CCDC68: variants seen among roughly 807,000 people sequenced by gnomAD.
CCDC68 encodes the protein coiled-coil domain-containing protein 68.
CCDC68 carries 45 observed loss-of-function variants against 47.1 expected under a neutral mutation model. The observed-to-expected ratio is 0.96, with a 90% confidence interval of 0.75 to 1.23. CCDC68 has a LOEUF of 1.23. Ranked by LOEUF, CCDC68 falls within the 50% of genes most tolerant of loss-of-function variation. The pLI is 0.00. For missense variants in CCDC68, 353 were observed against 373.6 expected (o/e 0.94, Z 0.45); for synonymous variants, 131 against 129.5 (o/e 1.01, Z -0.08).
intron 9 of CCDC68, among the ~76,000 whole-genome samples, chr18:54,918,725 G>T (rs1357774752): frequency 1.3e-5 from 2 of 152,192 alleles, no homozygotes; most frequent in Non-Finnish European, 2.9e-5. Flanking sequence ...ATAGAAGTCT[G>T]ATTTTAAATT....
At chr18:54,918,130 T>G (rs1193113520) in intron 9 of CCDC68, 134 bp from the exon 10 acceptor site, 11 of 576,980 alleles carry the variant, frequency 1.9e-5, no homozygotes, top group Non-Finnish European at 3.3e-5. Flanking sequence ...CCCAAAGCAT[T>G]AGCAGACTCA....
chr18:54,909,933 C>T (rs1371604387), intron 10 of CCDC68, among the ~76,000 whole-genome samples: 2 of 152,240 alleles, frequency 1.3e-5, no homozygotes, highest in African/African-American at 2.4e-5. Context: ...ACATGGCGAG[C>T]AAGGGGCATG....
At chr18:54,956,541 G>A (rs531318674) in intron 1 of CCDC68, among the ~76,000 whole-genome samples, 4 of 152,286 alleles carry the variant, frequency 2.6e-5, no homozygotes, top group South Asian at 2.1e-4. Flanking sequence ...AACAAAATGC[G>A]GCATAGCCAT....
chr18:54,930,386 G>C (rs1284650567), intron 7 of CCDC68, among the ~76,000 whole-genome samples: 1 of 152,052 alleles, frequency 6.6e-6, no homozygotes, highest in Non-Finnish European at 1.5e-5. Flanking sequence ...ATATGTAAAA[G>C]GCATACAGGC....
At chr18:54,916,264 T>C (rs1396389865) in intron 10 of CCDC68, among the ~76,000 whole-genome samples, 1 of 151,912 alleles carries the variant, frequency 6.6e-6, no homozygotes, top group African/African-American at 2.4e-5. Flanking sequence ...CTAAAGACAG[T>C]GCGAGGTTCA....
chr18:54,919,473 A>T, intron 8 of CCDC68, 97 bp from the exon 9 acceptor site: 1 of 976,098 alleles, frequency 1.0e-6, no homozygotes, highest in East Asian at 2.4e-5. Flanking sequence ...CTCTACTGCT[A>T]CTGGGGATCA....
At chr18:54,921,981 G>GT (rs1043171581) in intron 8 of CCDC68, among the ~76,000 whole-genome samples, 15 of 151,422 alleles carry the variant, frequency 9.9e-5, no homozygotes, top group Admixed American at 3.3e-4. Flanking sequence ...CAGTCCCCTT[G>GT]TTTTTTTTTC....
intron 8 of CCDC68, among the ~76,000 whole-genome samples, chr18:54,919,929 C>T (rs957749326): frequency 1.4e-4 from 21 of 150,724 alleles, no homozygotes; most frequent in African/African-American, 4.4e-4. Flanking sequence ...CATAGGGAAA[C>T]GGGGGGAAAA....
intron 6 of CCDC68, among the ~76,000 whole-genome samples, chr18:54,935,249 G>T (rs1393881486): frequency 2.6e-5 from 4 of 152,088 alleles, no homozygotes; most frequent in African/African-American, 4.8e-5. Context: ...CAACATTTTT[G>T]ACTTTTTCTC....
At chr18:54,951,738 G>A (rs920230135) in intron 1 of CCDC68, among the ~76,000 whole-genome samples, 1 of 152,194 alleles carries the variant, frequency 6.6e-6, no homozygotes, top group Non-Finnish European at 1.5e-5. Flanking sequence ...TGTCCTTCAG[G>A]AGCCTGAACA....
rs1238264560 is a variant in CCDC68, at chr18:54,901,871, G to GT, written c.*2486dup. On this transcript the variant is annotated 3_prime_UTR_variant, in exon 12 of 12. Coordinates refer to ENST00000591504, the MANE Select transcript of CCDC68 (RefSeq NM_025214.3). ...AAATATTATTCCCCCTTGTAATCTT[G>GT]TTTTTTCACTGAGAAGTGTTTTTTT... 5 of 149,288 alleles carry GT rather than the reference G, an allele frequency of 3.3e-5. No homozygotes were observed. Among genetic ancestry groups the GT allele is most frequent in the African/African-American group, 7.3e-5 (3 of 40,818 alleles). The allele number at this position is 149,288 out of a possible 1,614,324, so 9.2% of individuals were successfully genotyped here.
intron 8 of CCDC68, among the ~76,000 whole-genome samples, chr18:54,924,350 C>A (rs2044111657): frequency 6.6e-6 from 1 of 151,660 alleles, no homozygotes; most frequent in African/African-American, 2.4e-5. Flanking sequence ...GGCTCTGGAA[C>A]CTGGGATCCA....
At chr18:54,938,545 C>T (rs2044387345) in intron 4 of CCDC68, among the ~76,000 whole-genome samples, 1 of 152,208 alleles carries the variant, frequency 6.6e-6, no homozygotes, top group South Asian at 2.1e-4. Flanking sequence ...ATTAAATTTC[C>T]AATCAGAGAT....
chr18:54,909,260 G>C (rs1171322008), intron 10 of CCDC68, among the ~76,000 whole-genome samples: 1 of 152,138 alleles, frequency 6.6e-6, no homozygotes, highest in Non-Finnish European at 1.5e-5. Context: ...AAGTGTCTGC[G>C]ACCAAAAGGT....
intron 8 of CCDC68, among the ~76,000 whole-genome samples, chr18:54,926,497 A>C (rs1481085392): frequency 6.6e-6 from 1 of 152,182 alleles, no homozygotes; most frequent in Admixed American, 6.5e-5. Flanking sequence ...ACATGTAGGG[A>C]TTATGGGAAC....
At chr18:54,935,197 C>T (rs1490753507) in intron 6 of CCDC68, among the ~76,000 whole-genome samples, 1 of 152,098 alleles carries the variant, frequency 6.6e-6, no homozygotes, top group Non-Finnish European at 1.5e-5. Context: ...AAGCATACTT[C>T]CTGAACAGGT....
At chr18:54,927,363 A>T (rs1038553601) in intron 8 of CCDC68, among the ~76,000 whole-genome samples, 3 of 152,212 alleles carry the variant, frequency 2.0e-5, no homozygotes, top group Admixed American at 2.0e-4. Flanking sequence ...AATAGAAGAG[A>T]AAGAATAGAT....
At chr18:54,914,671 C>G (rs1009416308) in intron 10 of CCDC68, among the ~76,000 whole-genome samples, 3 of 152,098 alleles carry the variant, frequency 2.0e-5, no homozygotes, top group African/African-American at 7.2e-5. Context: ...GGTTGAGCTA[C>G]GTACAGAGAC....
At chr18:54,913,902 C>A (rs1441448955) in intron 10 of CCDC68, among the ~76,000 whole-genome samples, 4 of 152,122 alleles carry the variant, frequency 2.6e-5, no homozygotes, top group Non-Finnish European at 5.9e-5. Flanking sequence ...TATTTGGATA[C>A]CTGGTCCAAC....
Sources: allele counts gnomAD v4.1 joint callset (sites outside exome capture counted in the v4.1 genomes callset), GRCh38; gene constraint gnomAD v4.1.1; transcripts MANE v1.5; gene names NCBI Gene and HGNC (gene_info 2026-07-23, HGNC 2026-07-21).